The following CHN2 variants were observed in gnomAD, a reference collection of about 807,000 sequenced individuals.
The protein encoded by CHN2 is beta-chimaerin.
Under a neutral mutation model 56.3 loss-of-function variants are expected in CHN2, and 35 were observed. The observed-to-expected ratio is 0.62, with a 90% confidence interval of 0.47 to 0.82. The LOEUF is 0.82. CHN2 is among the 40% of genes least tolerant of loss of function. CHN2 has a pLI of 0.00. For missense variants in CHN2, 491 were observed against 580.5 expected (o/e 0.85, Z 1.58); for synonymous variants, 210 against 212.8 (o/e 0.99, Z 0.12).
At chr7:29,471,836 TTG>T (rs1786073555) in intron 6 of CHN2, among the ~76,000 whole-genome samples, 1 of 152,182 alleles carries the variant, frequency 6.6e-6, no homozygotes, top group Admixed American at 6.5e-5. Flanking sequence ...ACTATACAGC[TTG>T]AACTAGCCCA....
intron 6 of CHN2, among the ~76,000 whole-genome samples, chr7:29,473,482 T>TGTGTGTGTGTTTG (rs1554299029): frequency 2.5e-5 from 3 of 118,168 alleles, no homozygotes; most frequent in Non-Finnish European, 5.2e-5. Context: ...TTTTTTTTTT[T>TGTGTGTGTGTTTG]TGTGTGTGTG....
chr7:29,293,644 C>T (rs1792859716), intron 1 of CHN2, among the ~76,000 whole-genome samples: 1 of 152,244 alleles, frequency 6.6e-6, no homozygotes, highest in East Asian at 1.9e-4. Flanking sequence ...ACTTGCTGTG[C>T]CTCCTGCTTC....
intron 6 of CHN2, among the ~76,000 whole-genome samples, chr7:29,415,281 A>C (rs1197002889): frequency 6.6e-6 from 1 of 152,218 alleles, no homozygotes; most frequent in Non-Finnish European, 1.5e-5. Context: ...CCTGGCTGGC[A>C]CTTGGGGAGT....
intron 6 of CHN2, among the ~76,000 whole-genome samples, chr7:29,431,559 G>T (rs1045300678): frequency 1.3e-5 from 2 of 152,184 alleles, no homozygotes; most frequent in Non-Finnish European, 2.9e-5. Context: ...GTTCTTAGAA[G>T]GTTGGTTGGT....
At chr7:29,487,205 T>G (rs6972754) in intron 7 of CHN2, among the ~76,000 whole-genome samples, 7 of 133,590 alleles carry the variant, frequency 5.2e-5, no homozygotes, top group African/African-American at 1.6e-4. Flanking sequence ...GGGCTTGTTT[T>G]GTTTTTTTTT....
At chr7:29,501,403 C>G (rs1005411041) in intron 9 of CHN2, among the ~76,000 whole-genome samples, 1 of 152,126 alleles carries the variant, frequency 6.6e-6, no homozygotes, top group African/African-American at 2.4e-5. Flanking sequence ...GTGGTTGGGA[C>G]AAGTGACCCT....
intron 9 of CHN2, among the ~76,000 whole-genome samples, chr7:29,503,187 A>T (rs1790163081): frequency 6.6e-6 from 1 of 152,176 alleles, no homozygotes; most frequent in South Asian, 2.1e-4. Context: ...TGAGGGAGGG[A>T]CCCTAAACAT....
rs1554387287 is a variant in CHN2 at position 29,273,371 on chromosome 7, A to ATATATG, written c.49+78386_49+78387insGTATAT. On this transcript the variant is annotated intron_variant, in intron 1 of 12. Coordinates refer to ENST00000222792, the MANE Select transcript of CHN2 (RefSeq NM_004067.4). ...TATATATATATATATATATATATAT[A>ATATATG]TATATATATATATATATACACACAC... Among the ~76,000 whole-genome samples the ATATATG allele has an allele frequency of 8.2e-5, 4 of 48,632 alleles. 1 individual carries two copies. The East Asian group carries it at 0.014, about 167-fold the overall frequency. 31.9% of individuals were successfully genotyped at this position (48,632 alleles called of 152,430 possible). A position where few individuals can be genotyped will look rare whatever the true frequency, so the allele number is the denominator to read the frequency against.
chr7:29,397,036 TTGCTCCAAG>T (rs1208663456), intron 4 of CHN2: 3 of 152,238 alleles, frequency 2.0e-5, no homozygotes, highest in Non-Finnish European at 4.4e-5. Context: ...CAGAAGAGCA[TTGCTCCAAG>T]ACCTCCAGAC....
At chr7:29,309,410 C>T (rs542050487) in intron 1 of CHN2, among the ~76,000 whole-genome samples, 21 of 152,294 alleles carry the variant, frequency 1.4e-4, no homozygotes, top group South Asian at 1.0e-3. Flanking sequence ...TTCCCTTCTC[C>T]ACTCATAGAG....
intron 6 of CHN2, among the ~76,000 whole-genome samples, chr7:29,430,059 G>A (rs1585365166): frequency 1.3e-5 from 2 of 152,304 alleles, no homozygotes; most frequent in South Asian, 2.1e-4. Flanking sequence ...AAAGAAACAC[G>A]CTTTGCATAG....
intron 1 of CHN2, among the ~76,000 whole-genome samples, chr7:29,226,362 CAA>C (rs1469613880): frequency 6.6e-6 from 1 of 152,148 alleles, no homozygotes; most frequent in Non-Finnish European, 1.5e-5. Context: ...GAAACACAAA[CAA>C]GAGTCACTGA....
At chr7:29,353,623 C>T (rs1798055280) in intron 1 of CHN2, among the ~76,000 whole-genome samples, 1 of 152,024 alleles carries the variant, frequency 6.6e-6, no homozygotes, top group African/African-American at 2.4e-5. Flanking sequence ...CAGAACGAGA[C>T]TCTGTCTCAA....
intron 1 of CHN2, among the ~76,000 whole-genome samples, chr7:29,295,011 T>C (rs1006319035): frequency 1.3e-5 from 2 of 152,198 alleles, no homozygotes; most frequent in African/African-American, 4.8e-5. Flanking sequence ...GATACCAAGA[T>C]CCATGGATGC....
chr7:29,298,867 T>C (rs1793411242), intron 1 of CHN2, among the ~76,000 whole-genome samples: 1 of 132,312 alleles, frequency 7.6e-6, no homozygotes, highest in South Asian at 2.2e-4. Context: ...CCAGTCCTCA[T>C]TTTTGTTAAA....
At chr7:29,267,300 T>C (rs563752498) in intron 1 of CHN2, among the ~76,000 whole-genome samples, 1 of 151,904 alleles carries the variant, frequency 6.6e-6, no homozygotes. Context: ...TGGAGTGCAG[T>C]GGTGTGATCT....
intron 1 of CHN2, among the ~76,000 whole-genome samples, chr7:29,354,205 C>G (rs1275394289): frequency 6.6e-6 from 1 of 152,224 alleles, no homozygotes; most frequent in Non-Finnish European, 1.5e-5. Flanking sequence ...ATACTACATA[C>G]TTGCCGCTTT....
chr7:29,447,446 C>A (rs941835036), intron 6 of CHN2, among the ~76,000 whole-genome samples: 2 of 152,100 alleles, frequency 1.3e-5, no homozygotes, highest in Admixed American at 6.6e-5. Flanking sequence ...AGCTGTGGGA[C>A]AACTTCAGAC....
intron 2 of CHN2, among the ~76,000 whole-genome samples, chr7:29,153,761 G>A (rs532035923): frequency 6.6e-6 from 1 of 152,052 alleles, no homozygotes; most frequent in African/African-American, 2.4e-5. Context: ...GTAGAGACAG[G>A]GTTTCACCAT....
Sources: allele counts gnomAD v4.1 joint callset (sites outside exome capture counted in the v4.1 genomes callset), GRCh38; gene constraint gnomAD v4.1.1; transcripts MANE v1.5; gene names NCBI Gene and HGNC (gene_info 2026-07-23, HGNC 2026-07-21).